IL16: variants seen among roughly 807,000 people sequenced by gnomAD.
The protein encoded by IL16 is pro-interleukin-16.
A neutral mutation model predicts 110.1 loss-of-function variants in IL16; 67 were observed. The ratio of observed to expected loss-of-function variants is 0.61; its 90% CI spans 0.50 to 0.75. The LOEUF is 0.75. Ranked by LOEUF, IL16 falls within the 30% of genes least tolerant of loss-of-function variation. The pLI is 0.00. For missense variants in IL16, 1,545 were observed against 1,655.0 expected, an observed-to-expected ratio of 0.93 and a Z score of 1.15; for synonymous variants, 689 against 662.9, an observed-to-expected ratio of 1.04 and a Z score of -0.61.
In IL16 at chr15:81,292,471, G is replaced by A. The variant is rs141121711; in HGVS notation, c.1421-85G>A. On this transcript the variant is annotated intron_variant, in intron 11 of 18. Transcript: ENST00000683961. ...GCAGATGGCCGATGTGCAGTGTGCT[G>A]CCCGTGGCAGTCACAGGTGAGGCCA... The A allele has an allele frequency of 2.5e-4, 392 of 1,578,906 alleles. No homozygotes were observed. The Middle Eastern group carries it at 2.8e-3, about 11-fold the overall frequency.
intron 2 of IL16, among the ~76,000 whole-genome samples, chr15:81,228,902 ACCTGT>A (rs1896880177): frequency 6.6e-6 from 1 of 152,058 alleles, no homozygotes; most frequent in African/African-American, 2.4e-5. Context: ...CAGTTTTCTC[ACCTGT>A]TAAATGGAGA....
rs1217628881 is a variant in IL16 at position 81,303,153 on chromosome 15, G to C, written c.3319-396G>C. The stretch of plus-strand genomic sequence containing the variant: ...GAAGAAGGAGCAACCAATTCCTGCA[G>C]AACAGCACTGACCCCTGTTTTGTTT... On this transcript the variant is annotated intron_variant, in intron 15 of 18. Transcript: ENST00000683961. This position sits in a 1 kb window ranked among gnomAD's most constrained non-coding sequence, Gnocchi z 4.1. 5.6e-6 allele frequency: 1 copy of C among 177,016 alleles called. No homozygotes were observed. The highest frequency in any genetic ancestry group is 5.8e-5 in the Admixed American group (1 of 17,176). The allele number at this position is 177,016 out of a possible 1,614,324, so 11.0% of individuals were successfully genotyped here.
chr15:81,211,743 A>C (rs1896251945), intron 1 of IL16, among the ~76,000 whole-genome samples: 1 of 152,176 alleles, frequency 6.6e-6, no homozygotes, highest in African/African-American at 2.4e-5. Context: ...TTTTATCAGA[A>C]GTTTTTTTCT....
intron 9 of IL16, among the ~76,000 whole-genome samples, chr15:81,283,987 A>G (rs1444146724): frequency 6.8e-6 from 1 of 147,306 alleles, no homozygotes; most frequent in Non-Finnish European, 1.5e-5. Flanking sequence ...TGGGCAACAG[A>G]GCAAGACCCT....
chr15:81,292,487 G>A, intron 11 of IL16, 69 bp from the exon 12 acceptor site: 8 of 1,611,060 alleles, frequency 5.0e-6, no homozygotes, highest in Non-Finnish European at 6.8e-6. Context: ...GGCAGTCACA[G>A]GTGAGGCCAG....
At chr15:81,212,093 C>T (rs531928081) in intron 1 of IL16, among the ~76,000 whole-genome samples, 1 of 151,070 alleles carries the variant, frequency 6.6e-6, no homozygotes, top group South Asian at 2.1e-4. Flanking sequence ...CTTTGTACAT[C>T]TGGCAGAATT....
chr15:81,184,719 G>A (rs183506268), intron 1 of IL16, among the ~76,000 whole-genome samples: 45 of 152,314 alleles, frequency 3.0e-4, no homozygotes, highest in African/African-American at 9.9e-4. Context: ...TAGAAGATTG[G>A]GCATTCACAT....
At chr15:81,232,056 T>C (rs1023780111) in intron 2 of IL16, among the ~76,000 whole-genome samples, 2 of 141,658 alleles carry the variant, frequency 1.4e-5, no homozygotes, top group Non-Finnish European at 3.0e-5. Context: ...TTTTTTTTTT[T>C]TTTTTTTTTT....
Position 81,210,186 on chromosome 15 carries a change from T to A in IL16, c.-102+13034T>A, listed in dbSNP as rs144847348. Reference sequence around the variant, plus strand: ...AGAGCAGATGGTTGTAGGGGTGCAGTTTTATTTCTGAGTTTTGTATTTCGT... The same window carrying A: ...AGAGCAGATGGTTGTAGGGGTGCAGATTTATTTCTGAGTTTTGTATTTCGT... On this transcript the variant is annotated intron_variant, in intron 1 of 18. Coordinates refer to ENST00000683961, the MANE Select transcript of IL16 (RefSeq NM_172217.5). Among the ~76,000 whole-genome samples the A allele has an allele frequency of 1.5e-4, 23 of 152,252 alleles. No individual in the cohort carries two copies. In the East Asian group the frequency reaches 2.5e-3, roughly 17 times the overall value.
chr15:81,254,020 C>A (rs1897860506), intron 2 of IL16, among the ~76,000 whole-genome samples: 1 of 152,192 alleles, frequency 6.6e-6, no homozygotes. Flanking sequence ...ATCCTCATGA[C>A]TGGAGGATCA....
intron 2 of IL16, among the ~76,000 whole-genome samples, chr15:81,256,759 A>G (rs974001370): frequency 2.0e-5 from 3 of 152,244 alleles, no homozygotes; most frequent in Non-Finnish European, 4.4e-5. Context: ...TCCTTTGCAC[A>G]TAGGGCTTGC....
intron 5 of IL16, among the ~76,000 whole-genome samples, chr15:81,272,706 T>C (rs921932696): frequency 1.3e-5 from 2 of 152,184 alleles, no homozygotes; most frequent in African/African-American, 4.8e-5. Flanking sequence ...GTGAGTTAGG[T>C]AATATCATTA....
chr15:81,272,890 C>T (rs1208803515), intron 5 of IL16, among the ~76,000 whole-genome samples, 200 bp from the exon 6 acceptor site: 1 of 151,240 alleles, frequency 6.6e-6, no homozygotes, highest in African/African-American at 2.5e-5. Flanking sequence ...GCCTTCATGC[C>T]GCTGCTCTTC....
At chr15:81,294,903 G>C (rs977134835) in intron 12 of IL16, among the ~76,000 whole-genome samples, 4 of 152,136 alleles carry the variant, frequency 2.6e-5, no homozygotes, top group Non-Finnish European at 5.9e-5. Flanking sequence ...AGTGTCCACT[G>C]TCTCACTCTC....
At chr15:81,188,629 G>A (rs973191148) in intron 1 of IL16, among the ~76,000 whole-genome samples, 18 of 152,154 alleles carry the variant, frequency 1.2e-4, no homozygotes, top group Admixed American at 8.5e-4. Context: ...GTGTGCACGT[G>A]CATACGTATG....
chr15:81,220,862 C>T (rs1896592102), intron 1 of IL16, among the ~76,000 whole-genome samples: 1 of 151,992 alleles, frequency 6.6e-6, no homozygotes, highest in African/African-American at 2.4e-5. Flanking sequence ...CTAACAGATC[C>T]TGCTTCACAG....
At chr15:81,221,920 C>T (rs574651125) in intron 1 of IL16, among the ~76,000 whole-genome samples, 3 of 152,282 alleles carry the variant, frequency 2.0e-5, no homozygotes, top group South Asian at 2.1e-4. Context: ...GCACAGTTTC[C>T]ACCAAGGAAT....
chr15:81,184,453 G>A (rs1199242804), intron 1 of IL16, among the ~76,000 whole-genome samples: 4 of 152,174 alleles, frequency 2.6e-5, no homozygotes, highest in Non-Finnish European at 5.9e-5. Context: ...GATCTTATGG[G>A]GTTTTGTATC....
At chr15:81,238,050 C>G (rs527238118) in intron 2 of IL16, among the ~76,000 whole-genome samples, 1 of 152,112 alleles carries the variant, frequency 6.6e-6, no homozygotes, top group East Asian at 1.9e-4. Flanking sequence ...ATTACAGGCA[C>G]CTGCCACCAA....
Sources: allele counts gnomAD v4.1 joint callset (sites outside exome capture counted in the v4.1 genomes callset), GRCh38; gene constraint gnomAD v4.1.1; non-coding constraint Gnocchi (gnomAD v3.1); transcripts MANE v1.5; gene names NCBI Gene and HGNC (gene_info 2026-07-23, HGNC 2026-07-21).